ARHGEF26: variants seen among roughly 807,000 people sequenced by gnomAD.
ARHGEF26 encodes the protein Rho guanine nucleotide exchange factor 26, also known as Rho guanine nucleotide exchange factor (GEF) 26.
A neutral mutation model predicts 89.4 loss-of-function variants in ARHGEF26; 59 were observed. That is an observed-to-expected ratio of 0.66 (90% CI 0.54 to 0.82). ARHGEF26 has a LOEUF of 0.82. Ranked by LOEUF, ARHGEF26 falls within the 40% of genes least tolerant of loss-of-function variation. The pLI, the probability that ARHGEF26 is intolerant of heterozygous loss-of-function variation, is 0.00. For missense variants in ARHGEF26, 1,234 were observed against 1,085.6 expected, an observed-to-expected ratio of 1.14 and a Z score of -1.92; for synonymous variants, 500 against 428.4, an observed-to-expected ratio of 1.17 and a Z score of -2.06.
At chr3:154,155,054 C>G (rs1448448015) in intron 6 of ARHGEF26, among the ~76,000 whole-genome samples, 1 of 151,738 alleles carries the variant, frequency 6.6e-6, no homozygotes, top group Non-Finnish European at 1.5e-5. Context: ...ATGCTTGCTT[C>G]CCCAGAGTCT....
In ARHGEF26 at chr3:154,194,690, G is replaced by A; in HGVS notation, c.1817G>A (p.Cys606Tyr). 1.2e-6 allele frequency: 2 copies of A among 1,612,776 alleles called. No homozygotes were observed. The highest frequency in any genetic ancestry group is 1.7e-6 in the Non-Finnish European group (2 of 1,179,418). Reference sequence around the variant, plus strand: ...AAGGACTCTCCGAAGTATGAAGTCTGCAAAAGAGCCTTGAAGGAAGTTAGC... The same window carrying A: ...AAGGACTCTCCGAAGTATGAAGTCTACAAAAGAGCCTTGAAGGAAGTTAGC... ...TPKDSPKYEVCKRALKEVSKL... is the reference protein window; with the variant it reads ...TPKDSPKYEVYKRALKEVSKL... The change falls in exon 9 of 15, where the codon TGC becomes TAC. Residue 606 changes from cysteine to tyrosine, a missense_variant. Coordinates refer to ENST00000465093, the MANE Select transcript of ARHGEF26 (RefSeq NM_015595.4).
intron 9 of ARHGEF26, among the ~76,000 whole-genome samples, chr3:154,195,371 TGGG>T (rs903396943): frequency 6.6e-6 from 1 of 152,108 alleles, no homozygotes; most frequent in Non-Finnish European, 1.5e-5. Flanking sequence ...GCTAGGCTGT[TGGG>T]GGCCTGATCG....
At chr3:154,239,985 C>A (rs1189702547) in intron 11 of ARHGEF26, among the ~76,000 whole-genome samples, 2 of 151,888 alleles carry the variant, frequency 1.3e-5, no homozygotes, top group African/African-American at 4.8e-5. Context: ...GTCTTGTTAC[C>A]CAGAGCATGA....
chr3:154,209,731 A>G (rs573853740), intron 9 of ARHGEF26, among the ~76,000 whole-genome samples: 4 of 152,112 alleles, frequency 2.6e-5, no homozygotes, highest in Non-Finnish European at 4.4e-5. Flanking sequence ...ATCTCGCTCA[A>G]GGTCTGCTCT....
chr3:154,251,160 G>A (rs1306870818), intron 12 of ARHGEF26, among the ~76,000 whole-genome samples: 1 of 152,044 alleles, frequency 6.6e-6, no homozygotes, highest in Non-Finnish European at 1.5e-5. Context: ...CACCTGCTGC[G>A]TAACACCACC....
chr3:154,133,441 C>G (rs1011393004), intron 4 of ARHGEF26, among the ~76,000 whole-genome samples: 2 of 151,734 alleles, frequency 1.3e-5, no homozygotes, highest in Non-Finnish European at 2.9e-5. Flanking sequence ...CCACAGACTT[C>G]TATATTAGGA....
At position 154,121,963 on chromosome 3, in the gene ARHGEF26, T is replaced by C. The variant is rs760559763; in HGVS notation, c.-30T>C. On this transcript the variant is annotated 5_prime_UTR_variant, in exon 2 of 15. Coordinates refer to ENST00000465093, the MANE Select transcript of ARHGEF26 (RefSeq NM_015595.4). ...TTAGGCAAGACTAACTCGGTGTTGC[T>C]CCTCCCGGCGCTGACTTCGAGGCCC... The C allele has an allele frequency of 1.5e-5, 24 of 1,561,480 alleles. No individual in the cohort carries two copies. Among genetic ancestry groups the C allele is most frequent in the Non-Finnish European group, 2.1e-5 (24 of 1,149,234 alleles).
chr3:154,171,120 TG>T (rs1262119374), intron 6 of ARHGEF26, among the ~76,000 whole-genome samples: 2 of 152,190 alleles, frequency 1.3e-5, no homozygotes, highest in Non-Finnish European at 2.9e-5. Context: ...GTCTAGAATC[TG>T]GTTCTGGCAT....
chr3:154,178,259 A>G (rs1336809832), intron 6 of ARHGEF26, among the ~76,000 whole-genome samples: 2 of 152,176 alleles, frequency 1.3e-5, no homozygotes, highest in Non-Finnish European at 2.9e-5. Context: ...CACAATTCAT[A>G]TGCCATACAA....
intron 6 of ARHGEF26, among the ~76,000 whole-genome samples, chr3:154,177,292 T>G (rs563470629): frequency 2.6e-5 from 4 of 152,338 alleles, no homozygotes; most frequent in Non-Finnish European, 5.9e-5. Context: ...ATTTGACCCT[T>G]CTGAACTAAG....
chr3:154,246,335 A>C lies in ARHGEF26; in HGVS notation c.2300+5756A>C, dbSNP rs1717800777. Among the ~76,000 whole-genome samples the C allele has an allele frequency of 2.0e-5, 3 of 152,168 alleles. No homozygotes were observed. The South Asian group carries it at 6.2e-4, about 32-fold the overall frequency. ...AACATGGAGAATGTGGCTGGAGCAG[A>C]ATAAACCAGGGAGAGGGGTGGCAGT... On this transcript the variant is annotated intron_variant, in intron 12 of 14. Transcript: ENST00000465093.
chr3:154,194,710 G>T lies in ARHGEF26; in HGVS notation c.1837G>T (p.Val613Phe). 1.9e-6 allele frequency: 3 copies of T among 1,611,972 alleles called. No homozygotes were observed. The highest frequency in any genetic ancestry group is 2.5e-6 in the Non-Finnish European group (3 of 1,179,008). ...YEVCKRALKE[V>F]SKLVRLCNEG... ...AGTCTGCAAAAGAGCCTTGAAGGAA[G>T]TTAGCAAGGTAACTGTTGGGTGACA... The change falls in exon 9 of 15, where the codon GTT (valine) becomes TTT (phenylalanine). Residue 613 changes from valine to phenylalanine, a missense_variant. Val to Phe is a conservative substitution (Grantham distance 50). Coordinates refer to ENST00000465093, the MANE Select transcript of ARHGEF26 (RefSeq NM_015595.4).
Position 154,238,621 on chromosome 3 carries a change from G to A in ARHGEF26, c.2091-1749G>A, listed in dbSNP as rs146548874. Among the ~76,000 whole-genome samples, 230 of 152,170 alleles carry A rather than the reference G, an allele frequency of 1.5e-3. 1 individual carries two copies. Among genetic ancestry groups the A allele is most frequent in the African/African-American group, 5.4e-3 (226 of 41,510 alleles). The stretch of plus-strand genomic sequence containing the variant: ...AGTTTTCTTTTCTCTAAGCTCCCCT[G>A]ACATCATTCATTTGCATTTATTATT... On this transcript the variant is annotated intron_variant, in intron 11 of 14. Transcript: ENST00000465093.
rs142795513 is a variant in ARHGEF26 at position 154,221,149 on chromosome 3, A to AC, written c.1935+3191_1935+3192insC. 8.0e-3 allele frequency among the ~76,000 whole-genome samples: 1,221 copies of AC among 152,016 alleles called. 7 individuals are homozygous for AC. Among genetic ancestry groups the AC allele is most frequent in the Non-Finnish European group, 0.014 (933 of 67,954 alleles). ...CATAAATTCCTGTTGTGTAAAACAA[A>AC]AAAAAAAAACCACTAGAAAGTTGCA... is the stretch of plus-strand genomic sequence containing the variant. On this transcript the variant is annotated intron_variant, in intron 10 of 14. Transcript: ENST00000465093.
Position 154,152,938 on chromosome 3 carries a change from T to G in ARHGEF26, c.1487+6T>G. The G allele has an allele frequency of 6.4e-7, 1 of 1,561,868 alleles. No homozygotes were observed. The highest frequency in any genetic ancestry group is 1.3e-5 in the South Asian group (1 of 79,484). On this transcript the variant is annotated splice_donor_region_variant and intron_variant, in intron 6 of 14. Transcript: ENST00000465093. ...GTCTGTGAGGCAAGCAAAAAGTAAG[T>G]GCACTGCAGTCTGCCTTTGGTCGTG...
At position 154,205,119 on chromosome 3, in the gene ARHGEF26, T is replaced by C. The variant is rs1445686366; in HGVS notation, c.1845+10401T>C. Among the ~76,000 whole-genome samples, 22 of 152,314 alleles carry C rather than the reference T, an allele frequency of 1.4e-4. 1 individual carries two copies. In the South Asian group the frequency reaches 4.3e-3, roughly 30 times the overall value. ...TGTGGGATGTTGAAGTCTCTAGCTATTATGGTACTATGGTGTATCTCTTTC... is the reference window on the plus strand; with the variant it reads ...TGTGGGATGTTGAAGTCTCTAGCTACTATGGTACTATGGTGTATCTCTTTC... On this transcript the variant is annotated intron_variant, in intron 9 of 14. Transcript: ENST00000465093.
chr3:154,184,224 G>A (rs913902349), intron 6 of ARHGEF26, among the ~76,000 whole-genome samples: 14 of 152,132 alleles, frequency 9.2e-5, no homozygotes, highest in Admixed American at 1.3e-4. Context: ...CACCTACCTC[G>A]GCCTCCCAAA....
chr3:154,234,909 G>GCACC (rs1167202864), intron 11 of ARHGEF26, among the ~76,000 whole-genome samples: 1 of 152,122 alleles, frequency 6.6e-6, no homozygotes, highest in Non-Finnish European at 1.5e-5. Flanking sequence ...GGGACTACAG[G>GCACC]CGCTCACCAC....
In ARHGEF26 at chr3:154,122,053, C is replaced by A; in HGVS notation, c.61C>A (p.Arg21=). 2 of 1,611,572 alleles carry A rather than the reference C, an allele frequency of 1.2e-6. No homozygotes were observed. Among genetic ancestry groups the A allele is most frequent in the Non-Finnish European group, 1.7e-6 (2 of 1,178,208 alleles). Residue 21 remains arginine (R), a synonymous_variant, in exon 2 of 15, where the codon CGG becomes AGG. Coordinates refer to ENST00000465093, the MANE Select transcript of ARHGEF26 (RefSeq NM_015595.4). ...SNSITPLWRR[R]SIPQPHQVLG... is the part of the protein sequence containing the mutation. ...CAGCATAACCCCTTTGTGGCGGAGG[C>A]GGTCGATTCCTCAGCCCCACCAGGT...
Sources: gnomAD v4.1 joint callset for allele counts (sites outside exome capture counted in the v4.1 genomes callset) on GRCh38, gnomAD v4.1.1 for gene constraint, MANE v1.5 for transcripts, NCBI Gene and HGNC (gene_info 2026-07-23, HGNC 2026-07-21) for gene names.